Variants in TAF4 observed in about 807,000 individuals in gnomAD.
TAF4 encodes the protein transcription initiation factor TFIID subunit 4.
In TAF4, 9 loss-of-function variants were observed where a neutral mutation model predicts 90.3. That is an observed-to-expected ratio of 0.10 (90% CI 0.06 to 0.17). The LOEUF is 0.17. Among genes scored for constraint, TAF4 ranks in the 10% least tolerant of loss-of-function variants. The pLI is 1.00. For synonymous variants in TAF4, 818 were observed against 638.9 expected, an observed-to-expected ratio of 1.28 and a Z score of -4.23; for missense variants, 1,351 against 1,370.7, an observed-to-expected ratio of 0.99 and a Z score of 0.23.
chr20:61,991,344 C>T (rs1364926676), intron 14 of TAF4, among the ~76,000 whole-genome samples: 2 of 151,718 alleles, frequency 1.3e-5, no homozygotes, highest in East Asian at 3.9e-4. Flanking sequence ...AACCAGGAGG[C>T]AGAGGTTGCC....
At chr20:62,049,862 G>A (rs994520918) in intron 1 of TAF4, among the ~76,000 whole-genome samples, 3 of 152,066 alleles carry the variant, frequency 2.0e-5, no homozygotes, top group Admixed American at 1.3e-4. Context: ...CGACACCATC[G>A]TCACAAAGAC....
intron 1 of TAF4, among the ~76,000 whole-genome samples, chr20:62,034,827 CT>C (rs1555877004): frequency 2.9e-4 from 41 of 141,708 alleles, no homozygotes; most frequent in Admixed American, 4.2e-4. Flanking sequence ...TCATAGATTT[CT>C]TTTTTTTTTT....
intron 1 of TAF4, among the ~76,000 whole-genome samples, chr20:62,036,488 G>A (rs2055933451): frequency 6.6e-6 from 1 of 152,206 alleles, no homozygotes; most frequent in Non-Finnish European, 1.5e-5. Context: ...CATTACTCAT[G>A]CAGTACTGCA....
rs1192511977 is a variant in TAF4, at chr20:61,997,680, G to C, written c.2971-11C>G. The C allele has an allele frequency of 6.2e-7, 1 of 1,608,610 alleles. No homozygotes were observed. Among genetic ancestry groups the C allele is most frequent in the East Asian group, 2.2e-5 (1 of 44,700 alleles). ...TTCCTGTTGCTGCATCTTTTATTTT[G>C]AAAAGGAGACAAGGAGCATCATTTC... On this transcript the variant is annotated splice_polypyrimidine_tract_variant and intron_variant, in intron 13 of 14. Coordinates refer to ENST00000252996, the MANE Select transcript of TAF4 (RefSeq NM_003185.4).
chr20:61,987,769 C>T (rs1317738881), intron 14 of TAF4, among the ~76,000 whole-genome samples: 1 of 152,260 alleles, frequency 6.6e-6, no homozygotes, highest in Non-Finnish European at 1.5e-5. Context: ...ATCCTGCGCA[C>T]AGATGTTTAT....
Position 62,012,603 on chromosome 20 carries a change from AAAAAAAG to A in TAF4, c.1641+205_1641+211del, listed in dbSNP as rs1182284673. ...GCTGGTGTTAAATTCTGTGTGACTA[AAAAAAAG>A]AAAAAAGAAAAAAAGAAATCCTGAC... On this transcript the variant is annotated intron_variant, in intron 3 of 14. Transcript: ENST00000252996. 7.3e-5 allele frequency: 44 copies of A among 601,754 alleles called. No individual in the cohort carries two copies. The South Asian group carries it at 9.4e-4, about 13-fold the overall frequency. The allele number at this position is 601,754 out of a possible 1,614,324, so 37.3% of individuals were successfully genotyped here.
chr20:62,007,519 T>C (rs754449757), intron 6 of TAF4, 28 bp downstream of exon 6: 16 of 1,607,270 alleles, frequency 1.0e-5, no homozygotes, highest in South Asian at 3.3e-5. Context: ...GCCCTACTGC[T>C]CGCAGGCACC....
At chr20:62,008,317 G>GT (rs1363140506) in intron 5 of TAF4, 1 of 152,500 alleles carries the variant, frequency 6.6e-6, no homozygotes, top group Non-Finnish European at 1.5e-5. Flanking sequence ...AGAAGGCACG[G>GT]TAAGACCAGC....
At chr20:62,056,946 G>GT (rs2056068113) in intron 1 of TAF4, among the ~76,000 whole-genome samples, 1 of 152,128 alleles carries the variant, frequency 6.6e-6, no homozygotes. Context: ...ACTGACATTC[G>GT]TAACCTTCTG....
At chr20:61,985,648 G>A (rs1438941590) in intron 14 of TAF4, among the ~76,000 whole-genome samples, 1 of 151,402 alleles carries the variant, frequency 6.6e-6, no homozygotes, top group African/African-American at 2.4e-5. Context: ...ATCTACTGTG[G>A]GGGATGAGAA....
At chr20:61,998,095 C>G (rs781077220) in intron 13 of TAF4, 41 bp downstream of exon 13, 1 of 1,607,226 alleles carries the variant, frequency 6.2e-7, no homozygotes, top group East Asian at 2.2e-5. Flanking sequence ...CTACAGTGCA[C>G]AGCAAAGTGC....
At chr20:62,059,720 G>A (rs1194472390) in intron 1 of TAF4, among the ~76,000 whole-genome samples, 2 of 152,208 alleles carry the variant, frequency 1.3e-5, no homozygotes, top group Non-Finnish European at 2.9e-5. Context: ...ACTGTTTCCT[G>A]GATGATCGAG....
At chr20:61,997,502 T>C (rs201476281) in intron 14 of TAF4, 48 bp downstream of exon 14, 5 of 1,500,174 alleles carry the variant, frequency 3.3e-6, no homozygotes, top group African/African-American at 1.4e-5. Context: ...GGCTCTAAGA[T>C]GTTCCCCATG....
At position 62,064,506 on chromosome 20, in the gene TAF4, G is replaced by T; in HGVS notation, c.1305C>A (p.Arg435=). 1 of 1,520,426 alleles carries T rather than the reference G, an allele frequency of 6.6e-7. No individual in the cohort carries two copies. Among genetic ancestry groups the T allele is most frequent in the Non-Finnish European group, 8.8e-7 (1 of 1,136,196 alleles). The allele number at this position is 1,520,426 out of a possible 1,614,324, so 94.2% of individuals were successfully genotyped here. Residue 435 remains arginine, a synonymous_variant, in exon 1 of 15, where the codon CGC becomes CGA. Coordinates refer to ENST00000252996, the MANE Select transcript of TAF4 (RefSeq NM_003185.4). ...TCGGGTTCTGAGGCGGCTGCGGCAAGCGGGGGGCCAGCACGGTGGGCGTCA... is the reference window on the plus strand; with the variant it reads ...TCGGGTTCTGAGGCGGCTGCGGCAATCGGGGGGCCAGCACGGTGGGCGTCA... ...ATLTPTVLAP[R]LPQPPQNPTN... is the part of the protein sequence containing the mutation.
rs748828069 is a variant in TAF4, at chr20:62,065,193, G to A, written c.618C>T (p.Asn206=). The A allele has an allele frequency of 5.8e-6, 7 of 1,201,686 alleles. No individual in the cohort carries two copies. The highest frequency in any genetic ancestry group is 8.7e-5 in the East Asian group (1 of 11,492). The allele number at this position is 1,201,686 out of a possible 1,614,324, so 74.4% of individuals were successfully genotyped here. A position where few individuals can be genotyped will look rare whatever the true frequency, so the allele number is the denominator to read the frequency against. The change falls in exon 1 of 15, where the codon AAC becomes AAT. Residue 206 remains asparagine (N), a synonymous_variant. Coordinates refer to ENST00000252996, the MANE Select transcript of TAF4 (RefSeq NM_003185.4). ...CAGCAGGTGCGGCGGCGTGGTGCGA[G>A]TTCAGCAGCGCGGCGCTCCCATTCA... The part of the protein sequence containing the change: ...QTLNGSAALL[N]SHHAAAPAVS...
In TAF4 at chr20:62,010,066, T is replaced by C. The variant is rs2055769561; in HGVS notation, c.1741A>G (p.Thr581Ala). 6.2e-7 allele frequency: 1 copy of C among 1,613,264 alleles called. No individual in the cohort carries two copies. The highest frequency in any genetic ancestry group is 1.1e-5 in the South Asian group (1 of 91,058). The change falls in exon 4 of 15, where the codon ACC becomes GCC. Residue 581 changes from threonine to alanine, a missense_variant. By Grantham distance (58) the Thr-to-Ala change is moderately conservative. Transcript: ENST00000252996. This position sits in a 1 kb window ranked among gnomAD's most constrained non-coding sequence, Gnocchi z 4.5. The stretch of plus-strand genomic sequence containing the variant: ...CTTACCGTGGCAGCTGAGGAAGTGG[T>C]GGTCGCCCCTGGTACCGTGCGCTGA... ...TPQRTVPGAT[T>A]TSSAATETME...
rs1313872958 is a variant in TAF4, at chr20:62,065,146, G to C, written c.665C>G (p.Pro222Arg). 3 of 1,196,950 alleles carry C rather than the reference G, an allele frequency of 2.5e-6. No individual in the cohort carries two copies. Among genetic ancestry groups the C allele is most frequent in the Non-Finnish European group, 1.1e-6 (1 of 941,194 alleles). The allele number at this position is 1,196,950 out of a possible 1,614,324, so 74.1% of individuals were successfully genotyped here. A position where few individuals can be genotyped will look rare whatever the true frequency, so the allele number is the denominator to read the frequency against. ...APAVSLVNNG[P>R]AALLPLPKPA... ...CTTGGGCAGCGGCAGCAGCGCGGCGGGCCCGTTGTTGACCAGGCTGACAGC... is the reference window on the plus strand; with the variant it reads ...CTTGGGCAGCGGCAGCAGCGCGGCGCGCCCGTTGTTGACCAGGCTGACAGC... The change falls in exon 1 of 15, where the codon CCC (proline) becomes CGC (arginine). Residue 222 changes from proline (P) to arginine (R), a missense_variant. Physicochemically the swap from Pro to Arg is moderately radical, Grantham distance 103. Coordinates refer to ENST00000252996, the MANE Select transcript of TAF4 (RefSeq NM_003185.4).
intron 14 of TAF4, among the ~76,000 whole-genome samples, chr20:61,982,977 G>A (rs1055577567): frequency 3.9e-5 from 6 of 152,174 alleles, no homozygotes; most frequent in Admixed American, 6.5e-5. Flanking sequence ...ACAGCCTCAG[G>A]AATGGGAGGA....
At chr20:62,021,465 C>A (rs2055842688) in intron 1 of TAF4, among the ~76,000 whole-genome samples, 1 of 152,270 alleles carries the variant, frequency 6.6e-6, no homozygotes, top group African/African-American at 2.4e-5. Context: ...CAGCTGCCTG[C>A]ACAGGGAGCA....
Sources: gnomAD v4.1 joint callset for allele counts (sites outside exome capture counted in the v4.1 genomes callset) on GRCh38, gnomAD v4.1.1 for gene constraint, Gnocchi (gnomAD v3.1) non-coding constraint, MANE v1.5 for transcripts, NCBI Gene and HGNC (gene_info 2026-07-23, HGNC 2026-07-21) for gene names.